The following PDE10A variants were observed in gnomAD, a reference collection of about 807,000 sequenced individuals.
PDE10A encodes the protein phosphodiesterase 10A, also known as cAMP and cAMP-inhibited cGMP 3',5'-cyclic phosphodiesterase 10A.
In PDE10A, 39 loss-of-function variants were observed where a neutral mutation model predicts 97.7. The ratio of observed to expected loss-of-function variants is 0.40; its 90% CI spans 0.31 to 0.52. The LOEUF is 0.52. Among genes scored for constraint, PDE10A ranks in the 20% least tolerant of loss-of-function variants. PDE10A has a pLI of 0.56. For missense variants in PDE10A, 731 were observed against 1,047.8 expected (o/e 0.70, Z 4.17); for synonymous variants, 371 against 376.8 (o/e 0.98, Z 0.18).
intron 1 of PDE10A, among the ~76,000 whole-genome samples, chr6:165,850,507 G>C (rs1422598085): frequency 1.3e-5 from 2 of 152,068 alleles, no homozygotes; most frequent in South Asian, 2.1e-4. Context: ...ACCATATAAA[G>C]GTAAACTACC....
chr6:165,471,655 T>C (rs1779016474), intron 3 of PDE10A, among the ~76,000 whole-genome samples: 1 of 152,026 alleles, frequency 6.6e-6, no homozygotes, highest in Non-Finnish European at 1.5e-5. Flanking sequence ...CCTCCTTTCC[T>C]TTCTTCCCTC....
intron 1 of PDE10A, among the ~76,000 whole-genome samples, chr6:165,972,975 C>G (rs1173609178): frequency 6.6e-6 from 1 of 152,082 alleles, no homozygotes; most frequent in Non-Finnish European, 1.5e-5. Flanking sequence ...CTCTCTTCTC[C>G]CCTTCCCCTC....
At chr6:165,529,317 C>T (rs1368358384) in intron 2 of PDE10A, among the ~76,000 whole-genome samples, 1 of 152,156 alleles carries the variant, frequency 6.6e-6, no homozygotes, top group Non-Finnish European at 1.5e-5. Context: ...TTAGTATTAC[C>T]ATGCCCTGTG....
intron 1 of PDE10A, among the ~76,000 whole-genome samples, chr6:165,605,209 G>A (rs1030726452): frequency 1.3e-5 from 2 of 151,952 alleles, no homozygotes; most frequent in African/African-American, 4.8e-5. Flanking sequence ...GTGACTCCTG[G>A]CAATCCTTGA....
At chr6:165,905,941 T>A (rs1174390993) in intron 1 of PDE10A, among the ~76,000 whole-genome samples, 1 of 150,966 alleles carries the variant, frequency 6.6e-6, no homozygotes, top group Non-Finnish European at 1.5e-5. Flanking sequence ...TAAAACAATT[T>A]TTTTCCTTCT....
intron 1 of PDE10A, among the ~76,000 whole-genome samples, chr6:165,656,532 TCTAC>T (rs1789976195): frequency 6.6e-6 from 1 of 152,012 alleles, no homozygotes; most frequent in Non-Finnish European, 1.5e-5. Flanking sequence ...GGGGATTCTT[TCTAC>T]CTGTCTTCCA....
At chr6:165,571,436 A>G (rs547788718) in intron 1 of PDE10A, among the ~76,000 whole-genome samples, 1 of 152,338 alleles carries the variant, frequency 6.6e-6, no homozygotes, top group South Asian at 2.1e-4. Flanking sequence ...TACTCTAAAC[A>G]TTCCTATGCT....
At chr6:165,625,671 G>A (rs1243900481) in intron 1 of PDE10A, among the ~76,000 whole-genome samples, 2 of 152,220 alleles carry the variant, frequency 1.3e-5, no homozygotes, top group African/African-American at 2.4e-5. Context: ...TAAGTCTCAC[G>A]AGATCTTATG....
intron 18 of PDE10A, among the ~76,000 whole-genome samples, chr6:165,352,529 A>T (rs1159489095): frequency 6.6e-6 from 1 of 152,188 alleles, no homozygotes; most frequent in Non-Finnish European, 1.5e-5. Context: ...TTGATCCATT[A>T]AAAGTATAAA....
rs545149187 is a variant in PDE10A, at chr6:165,542,612, C to CTTTTTTTTTT, written c.994+818_994+827dup. 4.3e-4 allele frequency among the ~76,000 whole-genome samples: 33 copies of CTTTTTTTTTT among 76,454 alleles called. 3 individuals carry two copies. Among genetic ancestry groups the CTTTTTTTTTT allele is most frequent in the African/African-American group, 5.0e-4 (11 of 21,802 alleles). The allele number at this position is 76,454 out of a possible 152,430, so 50.2% of individuals were successfully genotyped here. Reference sequence around the variant, plus strand: ...TTTAGGTCAAAAAGATGTCCTTGTTCTTTTTTTTTTTTTTTTTTTTTTTTT... The same window carrying CTTTTTTTTTT: ...TTTAGGTCAAAAAGATGTCCTTGTTCTTTTTTTTTTTTTTTTTTTTTTTTTTTTTTTTTTT... On this transcript the variant is annotated intron_variant, in intron 2 of 21. Transcript: ENST00000539869.
At chr6:165,591,873 A>G (rs1365309295) in intron 1 of PDE10A, among the ~76,000 whole-genome samples, 1 of 152,220 alleles carries the variant, frequency 6.6e-6, no homozygotes, top group Non-Finnish European at 1.5e-5. Context: ...AGGCTCTATT[A>G]TATGTCCATC....
chr6:165,541,259 G>A (rs1015019923), intron 2 of PDE10A, among the ~76,000 whole-genome samples: 4 of 151,642 alleles, frequency 2.6e-5, no homozygotes, highest in East Asian at 1.9e-4. Flanking sequence ...TCACTCAGCC[G>A]CTTTCCACTG....
chr6:165,939,837 G>A (rs1459980051), intron 1 of PDE10A: 1 of 152,148 alleles, frequency 6.6e-6, no homozygotes, highest in Non-Finnish European at 1.5e-5. Context: ...AAACCCTTTT[G>A]GCTGCTCACA....
At chr6:165,337,800 C>A (rs759331556) in intron 20 of PDE10A, among the ~76,000 whole-genome samples, 1 of 152,138 alleles carries the variant, frequency 6.6e-6, no homozygotes, top group Admixed American at 6.5e-5. Context: ...TCCAGCTATA[C>A]CATGCATTCT....
chr6:165,458,669 GCACA>G (rs140253132), intron 3 of PDE10A, among the ~76,000 whole-genome samples: 3 of 150,430 alleles, frequency 2.0e-5, no homozygotes, highest in African/African-American at 4.9e-5. Flanking sequence ...ACAGGCGCAC[GCACA>G]CACACACACA....
intron 1 of PDE10A, among the ~76,000 whole-genome samples, chr6:165,866,341 C>G (rs1353358567): frequency 1.3e-5 from 2 of 151,554 alleles, no homozygotes; most frequent in African/African-American, 4.8e-5. Flanking sequence ...TCACCTTGCC[C>G]TTAGTGCACG....
intron 1 of PDE10A, among the ~76,000 whole-genome samples, chr6:165,961,746 A>G (rs1008072900): frequency 3.3e-5 from 5 of 152,176 alleles, no homozygotes; most frequent in African/African-American, 4.8e-5. Context: ...CCCAGAACAA[A>G]ACCACAATTC....
chr6:165,849,753 A>T (rs1023346042), intron 1 of PDE10A, among the ~76,000 whole-genome samples: 10 of 152,098 alleles, frequency 6.6e-5, no homozygotes, highest in Non-Finnish European at 1.5e-4. Flanking sequence ...CGGTGGCCAG[A>T]TGGGGCGGGG....
chr6:165,767,927 C>T (rs1326496145), intron 1 of PDE10A, among the ~76,000 whole-genome samples: 2 of 152,140 alleles, frequency 1.3e-5, no homozygotes, highest in African/African-American at 4.8e-5. Flanking sequence ...CACATGTTTG[C>T]CAGCACACCT....
Sources: allele counts gnomAD v4.1 joint callset (sites outside exome capture counted in the v4.1 genomes callset), GRCh38; gene constraint gnomAD v4.1.1; transcripts MANE v1.5; gene names NCBI Gene and HGNC (gene_info 2026-07-23, HGNC 2026-07-21).